The following SLC7A7 variants were observed in gnomAD, a reference collection of about 807,000 sequenced individuals.
SLC7A7 encodes solute carrier family 7 member 7.
A neutral mutation model predicts 47.9 loss-of-function variants in SLC7A7; 39 were observed. The observed-to-expected ratio is 0.81, with a 90% CI of 0.63 to 1.06. SLC7A7 has a LOEUF of 1.06. SLC7A7 is among the 50% of genes least tolerant of loss of function. SLC7A7 has a pLI of 0.00. For synonymous variants in SLC7A7, 234 were observed against 242.8 expected, an observed-to-expected ratio of 0.96 and a Z score of 0.34; for missense variants, 588 against 632.0, an observed-to-expected ratio of 0.93 and a Z score of 0.75.
intron 2 of SLC7A7, among the ~76,000 whole-genome samples, chr14:22,804,034 GTA>G (rs1239578061): frequency 2.6e-5 from 4 of 152,060 alleles, no homozygotes; most frequent in African/African-American, 9.7e-5. Flanking sequence ...AGTTACTAGG[GTA>G]TCAGGGAGGG....
Position 22,810,039 on chromosome 14 carries a change from C to CAAA in SLC7A7, c.499+2858_499+2860dup, listed in dbSNP as rs34386018. 4.7e-3 allele frequency among the ~76,000 whole-genome samples: 285 copies of CAAA among 60,632 alleles called. 4 individuals carry two copies. Among genetic ancestry groups the CAAA allele is most frequent in the Non-Finnish European group, 5.5e-3 (195 of 35,764 alleles). 39.8% of individuals were successfully genotyped at this position (60,632 alleles called of 152,430 possible). A position where few individuals can be genotyped will look rare whatever the true frequency, so the allele number is the denominator to read the frequency against. On this transcript the variant is annotated intron_variant, in intron 2 of 9. Transcript: ENST00000674313. ...GGGCAACAAGAGGGAAACACTGTCT[C>CAAA]AAAAAAAAAAAAAAAAAAAAAAAAG...
At chr14:22,804,763 C>T (rs1249761862) in intron 2 of SLC7A7, among the ~76,000 whole-genome samples, 1 of 152,116 alleles carries the variant, frequency 6.6e-6, no homozygotes, top group African/African-American at 2.4e-5. Context: ...GAGGCTGAGG[C>T]AGGTGGATCA....
chr14:22,794,450 CA>C, intron 2 of SLC7A7, among the ~76,000 whole-genome samples: 1 of 152,160 alleles, frequency 6.6e-6, no homozygotes, highest in East Asian at 1.9e-4. Context: ...GTCCCTTCTC[CA>C]AGCCGTGTAA....
At position 22,775,466 on chromosome 14, in the gene SLC7A7, G is replaced by A. The variant is rs1220883547; in HGVS notation, c.1073C>T (p.Pro358Leu). 2.5e-6 allele frequency: 4 copies of A among 1,614,082 alleles called. No individual in the cohort carries two copies. Among genetic ancestry groups the A allele is most frequent in the Non-Finnish European group, 3.4e-6 (4 of 1,179,934 alleles). The change falls in exon 7 of 10, where the codon CCA becomes CTA. Residue 358 changes from proline (P) to leucine (L), a missense_variant. Physicochemically the swap from Pro to Leu is moderately conservative, Grantham distance 98. Coordinates refer to ENST00000674313, the MANE Select transcript of SLC7A7 (RefSeq NM_003982.4). ...ICMIHVERFTPVPSLLFNGIM... is the reference protein window; with the variant it reads ...ICMIHVERFTLVPSLLFNGIM... ...TACATTGAAGAGCAGAGAAGGCACT[G>A]GTGTGAACCGCTCAACATGGATCAT...
chr14:22,774,801 C>A (rs1030134530), intron 7 of SLC7A7, among the ~76,000 whole-genome samples: 5 of 152,134 alleles, frequency 3.3e-5, no homozygotes, highest in Admixed American at 3.3e-4. Context: ...CCTACAATAA[C>A]CCGCTCTTAT....
At chr14:22,817,191 T>C, upstream of SLC7A7, 1 of 190,372 alleles carries the variant, frequency 5.3e-6, no homozygotes, top group South Asian at 7.0e-5. Context: ...TCCCCCAGGC[T>C]GGAGTGCAGT....
intron 2 of SLC7A7, among the ~76,000 whole-genome samples, chr14:22,787,111 C>T (rs540019602): frequency 6.6e-6 from 1 of 152,174 alleles, no homozygotes; most frequent in South Asian, 2.1e-4. Context: ...GATCAGCATA[C>T]CTCCTGAGTC....
At chr14:22,791,315 C>T (rs1018458325) in intron 2 of SLC7A7, among the ~76,000 whole-genome samples, 1 of 152,160 alleles carries the variant, frequency 6.6e-6, no homozygotes. Context: ...TTAGAATTTA[C>T]GGTTAGGAAC....
intron 2 of SLC7A7, 38 bp downstream of exon 2, chr14:22,812,862 G>A (rs746936283): frequency 6.2e-6 from 10 of 1,601,084 alleles, no homozygotes; most frequent in Non-Finnish European, 7.7e-6. Flanking sequence ...CCTCTGTCCA[G>A]CCCTCCACCC....
chr14:22,797,751 G>A (rs146736102), intron 2 of SLC7A7, among the ~76,000 whole-genome samples: 118 of 152,030 alleles, frequency 7.8e-4, no homozygotes, highest in Middle Eastern at 3.4e-3. Context: ...TCAACCACCC[G>A]TATAAAAAAA....
rs139603766 is a variant in SLC7A7, at chr14:22,810,354, C to T, written c.499+2546G>A. Among the ~76,000 whole-genome samples, 340 of 148,432 alleles carry T rather than the reference C, an allele frequency of 2.3e-3. 2 individuals carry two copies. Among genetic ancestry groups the T allele is most frequent in the African/African-American group, 6.1e-3 (246 of 40,352 alleles). ...TAGCACATCTGTAATCCCAGCTACT[C>T]GGGAGGCTGAGGCAGGAGAATCACT... On this transcript the variant is annotated intron_variant, in intron 2 of 9. Coordinates refer to ENST00000674313, the MANE Select transcript of SLC7A7 (RefSeq NM_003982.4).
chr14:22,811,987 A>G (rs2039315567), intron 2 of SLC7A7, among the ~76,000 whole-genome samples: 1 of 152,206 alleles, frequency 6.6e-6, no homozygotes, highest in Non-Finnish European at 1.5e-5. Context: ...CCAGCTAGAT[A>G]AATAAACTAC....
chr14:22,812,196 T>C (rs1472765154), intron 2 of SLC7A7, among the ~76,000 whole-genome samples: 1 of 151,944 alleles, frequency 6.6e-6, no homozygotes. Context: ...AGATAGAGTC[T>C]CACTCTGTTG....
intron 2 of SLC7A7, among the ~76,000 whole-genome samples, chr14:22,784,098 C>T (rs1370532922): frequency 6.6e-6 from 1 of 152,218 alleles, no homozygotes; most frequent in Non-Finnish European, 1.5e-5. Flanking sequence ...CCTCCTGCTT[C>T]AGGGCCAAGG....
intron 7 of SLC7A7, 53 bp downstream of exon 7, chr14:22,775,391 A>T (rs1018799624): frequency 1.5e-6 from 2 of 1,378,062 alleles, no homozygotes; most frequent in Non-Finnish European, 2.1e-6. Flanking sequence ...TTCTGCTGTT[A>T]CTAAAGTTTC....
chr14:22,815,342 G>A lies in SLC7A7; in HGVS notation c.-65C>T, dbSNP rs1286155355. 1.8e-5 allele frequency: 8 copies of A among 454,468 alleles called. No homozygotes were observed. The highest frequency in any genetic ancestry group is 1.6e-4 in the African/African-American group (8 of 50,010). The allele number at this position is 454,468 out of a possible 1,614,324, so 28.2% of individuals were successfully genotyped here. On this transcript the variant is annotated 5_prime_UTR_variant, in exon 1 of 10. Coordinates refer to ENST00000674313, the MANE Select transcript of SLC7A7 (RefSeq NM_003982.4). ...CACTCCTTGGTCCTGGATATAAGCA[G>A]GTTCTCACGGCAGTGTGAGCAGCAG...
At chr14:22,816,290 G>C, upstream of SLC7A7, 1 of 153,596 alleles carries the variant, frequency 6.5e-6, no homozygotes, top group Non-Finnish European at 1.5e-5. Context: ...AGGAGATCAA[G>C]ACCATCCTGG....
chr14:22,818,585 T>TTG (rs2039437114), upstream of SLC7A7, among the ~76,000 whole-genome samples: 1 of 137,700 alleles, frequency 7.3e-6, no homozygotes, highest in African/African-American at 2.9e-5. Flanking sequence ...GGTTTTTGGT[T>TTG]TTTTTTTTTT....
chr14:22,780,082 T>C, intron 2 of SLC7A7, 31 bp from the exon 3 acceptor site: 3 of 1,613,258 alleles, frequency 1.9e-6, no homozygotes, highest in Non-Finnish European at 2.5e-6. Context: ...ATTGGTGACT[T>C]ACCCTTACCA....
Sources: allele counts gnomAD v4.1 joint callset (sites outside exome capture counted in the v4.1 genomes callset), GRCh38; gene constraint gnomAD v4.1.1; transcripts MANE v1.5; gene names NCBI Gene and HGNC (gene_info 2026-07-23, HGNC 2026-07-21).